The following SLC37A1 variants were observed in gnomAD, a reference collection of about 807,000 sequenced individuals.
The protein encoded by SLC37A1 is solute carrier family 37 member 1, also known as glucose-6-phosphate exchanger SLC37A1.
SLC37A1 carries 49 observed loss-of-function variants against 75.3 expected under a neutral mutation model. That is an observed-to-expected ratio of 0.65 (90% confidence interval 0.52 to 0.83). SLC37A1 has a LOEUF of 0.83. SLC37A1 is among the 40% of genes least tolerant of loss of function. SLC37A1 has a pLI of 0.00. For missense variants in SLC37A1, 566 were observed against 695.0 expected, an observed-to-expected ratio of 0.81 and a Z score of 2.09; for synonymous variants, 268 against 292.1, an observed-to-expected ratio of 0.92 and a Z score of 0.84.
At chr21:42,499,812 C>A (rs1422260833) in intron 1 of SLC37A1, 2 of 152,308 alleles carry the variant, frequency 1.3e-5, no homozygotes, top group Non-Finnish European at 2.9e-5. Flanking sequence ...CCCATTAACC[C>A]CTTCAAAAAG....
At position 42,580,640 on chromosome 21, in the gene SLC37A1, T is replaced by G; in HGVS notation, c.*280T>G. On this transcript the variant is annotated 3_prime_UTR_variant, in exon 20 of 20. Transcript: ENST00000352133. ...CCCTGGCCTCACAGGCGTGTGCCCA[T>G]GCAGCCACCCAAATGCACGCGTGAC... The G allele has an allele frequency of 2.2e-5, 6 of 271,298 alleles. No individual in the cohort carries two copies. Among genetic ancestry groups the G allele is most frequent in the South Asian group, 1.0e-4 (3 of 29,264 alleles). The allele number at this position is 271,298 out of a possible 1,614,324, so 16.8% of individuals were successfully genotyped here.
At chr21:42,554,279 T>C (rs2146944299) in intron 10 of SLC37A1, 137 bp downstream of exon 10, 2 of 737,810 alleles carry the variant, frequency 2.7e-6, no homozygotes, top group Middle Eastern at 3.3e-4. Flanking sequence ...TCTGTCTCAT[T>C]GTATTTCTTC....
chr21:42,562,573 C>T (rs889190411), intron 12 of SLC37A1, among the ~76,000 whole-genome samples: 9 of 152,134 alleles, frequency 5.9e-5, no homozygotes, highest in African/African-American at 1.7e-4. Context: ...TGGGAGATAG[C>T]GTCTCATTTT....
chr21:42,525,004 G>T (rs144668238), intron 2 of SLC37A1, among the ~76,000 whole-genome samples: 1,902 of 152,222 alleles, frequency 0.012, 27 homozygotes, highest in Non-Finnish European at 0.021. Flanking sequence ...ACCAGTGGCC[G>T]GTGTTCTGCT....
chr21:42,567,082 C>T, intron 16 of SLC37A1, 24 bp downstream of exon 16: 3 of 1,606,758 alleles, frequency 1.9e-6, no homozygotes, highest in Non-Finnish European at 2.5e-6. Context: ...GGAGAGACAC[C>T]AGCCCTGTGG....
chr21:42,516,441 G>T (rs540992143), intron 1 of SLC37A1, among the ~76,000 whole-genome samples: 1 of 152,326 alleles, frequency 6.6e-6, no homozygotes, highest in African/African-American at 2.4e-5. Flanking sequence ...GTCAGTCATG[G>T]TTCGTGCTTC....
intron 3 of SLC37A1, among the ~76,000 whole-genome samples, chr21:42,532,594 G>A (rs774513151): frequency 1.3e-5 from 2 of 152,280 alleles, no homozygotes; most frequent in African/African-American, 2.4e-5. Flanking sequence ...TCAACAAGGC[G>A]GCGGGTGAAC....
At chr21:42,563,197 C>T (rs2146987337) in intron 12 of SLC37A1, among the ~76,000 whole-genome samples, 1 of 152,354 alleles carries the variant, frequency 6.6e-6, no homozygotes, top group East Asian at 1.9e-4. Context: ...TTCTTTCTCC[C>T]TTCTTCCCCT....
chr21:42,543,337 G>C, intron 7 of SLC37A1, 99 bp from the exon 8 acceptor site: 1 of 1,398,992 alleles, frequency 7.1e-7, no homozygotes, highest in Non-Finnish European at 1.0e-6. Context: ...TTGATTCTGC[G>C]CCGACTCCCT....
chr21:42,507,929 C>A (rs1226685153), intron 2 of SLC37A1, among the ~76,000 whole-genome samples: 1 of 152,058 alleles, frequency 6.6e-6, no homozygotes, highest in Non-Finnish European at 1.5e-5. Flanking sequence ...TTGGAGGGGA[C>A]AAATACCCAA....
At position 42,568,568 on chromosome 21, in the gene SLC37A1, G is replaced by A. The variant is rs148795910; in HGVS notation, c.1423+130G>A. ...TGGGTGGGCCGGCTTCTTACTATAC[G>A]AGCAGATGAGCAGGGGACATCGGCA... On this transcript the variant is annotated intron_variant, in intron 17 of 19. Transcript: ENST00000352133. 512 of 838,564 alleles carry A rather than the reference G, an allele frequency of 6.1e-4. 3 individuals are homozygous for A. In the African/African-American group the frequency reaches 7.1e-3, roughly 12 times the overall value. The allele number at this position is 838,564 out of a possible 1,614,324, so 51.9% of individuals were successfully genotyped here. A position where few individuals can be genotyped will look rare whatever the true frequency, so the allele number is the denominator to read the frequency against.
intron 11 of SLC37A1, among the ~76,000 whole-genome samples, chr21:42,561,089 C>T (rs954537238): frequency 1.6e-4 from 25 of 152,206 alleles, no homozygotes; most frequent in South Asian, 8.3e-4. Flanking sequence ...GAAAGGCATA[C>T]GGTAAATTAC....
rs186275501 is a variant in SLC37A1, at chr21:42,501,580, C to A, written c.-300-716C>A. On this transcript the variant is annotated intron_variant, in intron 1 of 20. Coordinates refer to the SLC37A1 transcript ENST00000398341. ...ACAAAAAATTAGCTGGGCATGGTGG[C>A]GGGCGCCTGTAATCCCAGCCACTCA... is the stretch of plus-strand genomic sequence containing the variant. Among the ~76,000 whole-genome samples, 455 of 152,218 alleles carry A rather than the reference C, an allele frequency of 3.0e-3. 1 individual carries two copies. The highest frequency in any genetic ancestry group is 0.01 in the African/African-American group (420 of 41,510).
intron 8 of SLC37A1, among the ~76,000 whole-genome samples, chr21:42,546,307 T>G (rs925730105): frequency 5.9e-5 from 9 of 152,230 alleles, no homozygotes; most frequent in African/African-American, 2.2e-4. Flanking sequence ...CTTTTCAAGT[T>G]TCCTCCCTTC....
chr21:42,569,130 G>C (rs1431001110), intron 17 of SLC37A1, among the ~76,000 whole-genome samples: 1 of 152,218 alleles, frequency 6.6e-6, no homozygotes, highest in Non-Finnish European at 1.5e-5. Flanking sequence ...CTAATAAGGA[G>C]GACCTGGGGT....
chr21:42,566,284 G>A (rs926281251), intron 15 of SLC37A1, among the ~76,000 whole-genome samples: 1 of 152,250 alleles, frequency 6.6e-6, no homozygotes, highest in Non-Finnish European at 1.5e-5. Flanking sequence ...CTTGGGCCAC[G>A]TCAGGTAGCC....
At chr21:42,533,518 GTGT>G (rs1414544651) in intron 3 of SLC37A1, among the ~76,000 whole-genome samples, 4 of 152,184 alleles carry the variant, frequency 2.6e-5, no homozygotes, top group African/African-American at 7.2e-5. Context: ...TGTCCTGGAA[GTGT>G]TGTTCCTCTT....
chr21:42,528,008 AGCCT>A (rs2054846297), intron 3 of SLC37A1, among the ~76,000 whole-genome samples: 1 of 152,256 alleles, frequency 6.6e-6, no homozygotes, highest in African/African-American at 2.4e-5. Flanking sequence ...GATTATTTAT[AGCCT>A]GCATTTCCCA....
rs552548576 is a variant in SLC37A1, at chr21:42,575,230, CCA to C, written c.1521+318_1521+319del. The C allele has an allele frequency of 2.7e-4, 268 of 983,700 alleles. No homozygotes were observed. In the African/African-American group the frequency reaches 4.5e-3, roughly 17 times the overall value. The allele number at this position is 983,700 out of a possible 1,614,324, so 60.9% of individuals were successfully genotyped here. A position where few individuals can be genotyped will look rare whatever the true frequency, so the allele number is the denominator to read the frequency against. On this transcript the variant is annotated intron_variant, in intron 18 of 19. Transcript: ENST00000352133. ...TTGGGCAGGTTTCGTAACCTCTGCT[CCA>C]CAGTTTCCACAGCTTTAAAATGGGC...
Sources: allele counts gnomAD v4.1 joint callset (sites outside exome capture counted in the v4.1 genomes callset), GRCh38; gene constraint gnomAD v4.1.1; transcripts MANE v1.5; gene names NCBI Gene and HGNC (gene_info 2026-07-23, HGNC 2026-07-21).